Variants in MYO5B observed in about 807,000 individuals in gnomAD.
The protein encoded by MYO5B is unconventional myosin-Vb.
Under a neutral mutation model 229.3 loss-of-function variants are expected in MYO5B, and 143 were observed. The ratio of observed to expected loss-of-function variants is 0.62; its 90% CI spans 0.54 to 0.72. The LOEUF (loss-of-function observed/expected upper bound fraction) is 0.72. Ranked by LOEUF, MYO5B falls within the 30% of genes least tolerant of loss-of-function variation. The probability of loss-of-function intolerance (pLI) is 0.00; values close to 1 mark genes in which losing one functional copy is unlikely to be tolerated. For synonymous variants in MYO5B, 918 were observed against 885.2 expected (o/e 1.04, Z -0.66); for missense variants, 2,321 against 2,331.0 (o/e 1.00, Z 0.09).
intron 1 of MYO5B, among the ~76,000 whole-genome samples, chr18:50,151,501 G>A (rs1275588952): frequency 1.3e-5 from 2 of 152,116 alleles, no homozygotes; most frequent in Non-Finnish European, 2.9e-5. Flanking sequence ...ATAGGGGTGG[G>A]CTTTTATGTC....
intron 29 of MYO5B, among the ~76,000 whole-genome samples, chr18:49,859,874 G>A (rs773088415): frequency 2.8e-4 from 42 of 152,242 alleles, no homozygotes; most frequent in Admixed American, 4.6e-4. Flanking sequence ...CAGCAGCCGA[G>A]GCTCAAGGTC....
chr18:50,042,481 A>C (rs2030049644), intron 2 of MYO5B, among the ~76,000 whole-genome samples: 1 of 152,002 alleles, frequency 6.6e-6, no homozygotes, highest in African/African-American at 2.4e-5. Context: ...TTTTGTGAAA[A>C]GCTTTTTTAT....
intron 1 of MYO5B, among the ~76,000 whole-genome samples, chr18:50,077,168 T>TAAAAAAAAAAAAAAAAA (rs71169476): frequency 1.2e-5 from 1 of 81,214 alleles, no homozygotes; most frequent in East Asian, 4.8e-4. Context: ...TGTGGCAAAG[T>TAAAAAAAAAAAAAAAAA]AAAAAAAAAA....
chr18:50,047,562 C>A (rs1179236739), intron 2 of MYO5B, among the ~76,000 whole-genome samples: 2 of 152,164 alleles, frequency 1.3e-5, no homozygotes, highest in Non-Finnish European at 2.9e-5. Context: ...ACTAGAAATA[C>A]CACTTGATAC....
In MYO5B at chr18:49,904,833, G is replaced by A; in HGVS notation, c.2415-5C>T. 6.2e-7 allele frequency: 1 copy of A among 1,613,456 alleles called. No homozygotes were observed. Among genetic ancestry groups the A allele is most frequent in the Non-Finnish European group, 8.5e-7 (1 of 1,180,026 alleles). On this transcript the variant is annotated splice_region_variant and splice_polypyrimidine_tract_variant and intron_variant, in intron 19 of 39. Transcript: ENST00000285039. ...CTCCGCAGGTGCTCAGCCAGCCTGG[G>A]GAGCAAGAGGAAACAGGCAGTGTCA...
chr18:49,939,379 C>A lies in MYO5B; in HGVS notation c.1753-1982G>T, dbSNP rs180972865. Among the ~76,000 whole-genome samples the A allele has an allele frequency of 9.7e-3, 1,478 of 152,126 alleles. 16 individuals are homozygous for A. Among genetic ancestry groups the A allele is most frequent in the Non-Finnish European group, 0.013 (894 of 67,964 alleles). On this transcript the variant is annotated intron_variant, in intron 14 of 39. Coordinates refer to ENST00000285039, the MANE Select transcript of MYO5B (RefSeq NM_001080467.3). Reference sequence around the variant, plus strand: ...CAGGATGGTCTCGATCTCTTGACCTCGTGATCCGCCCGCCTCGGCCTTCCA... The same window carrying A: ...CAGGATGGTCTCGATCTCTTGACCTAGTGATCCGCCCGCCTCGGCCTTCCA...
intron 14 of MYO5B, among the ~76,000 whole-genome samples, chr18:49,941,305 AG>A (rs2025311136): frequency 6.6e-6 from 1 of 152,184 alleles, no homozygotes; most frequent in Non-Finnish European, 1.5e-5. Flanking sequence ...AATGATCTTA[AG>A]GCCATCTCTG....
At chr18:50,177,435 C>A (rs1270888552) in intron 1 of MYO5B, among the ~76,000 whole-genome samples, 1 of 152,184 alleles carries the variant, frequency 6.6e-6, no homozygotes, top group Non-Finnish European at 1.5e-5. Context: ...TTGCCTTCTT[C>A]CTCAAACAGC....
At chr18:50,087,845 T>C (rs2031365036) in intron 1 of MYO5B, among the ~76,000 whole-genome samples, 1 of 151,794 alleles carries the variant, frequency 6.6e-6, no homozygotes, top group Non-Finnish European at 1.5e-5. Flanking sequence ...AAAACCAAGA[T>C]GAGAAAGGCC....
intron 1 of MYO5B, among the ~76,000 whole-genome samples, chr18:50,193,797 G>T (rs1290864635): frequency 6.6e-6 from 1 of 152,254 alleles, no homozygotes; most frequent in East Asian, 1.9e-4. Context: ...AAAGGCCTTT[G>T]CCCCTCTCAC....
intron 37 of MYO5B, 109 bp downstream of exon 37, chr18:49,837,408 A>T: frequency 7.4e-7 from 1 of 1,346,188 alleles, no homozygotes. Context: ...AAGGACTGTC[A>T]ATTAGATTTG....
intron 1 of MYO5B, among the ~76,000 whole-genome samples, chr18:50,138,938 G>A (rs1255550689): frequency 6.6e-6 from 1 of 152,190 alleles, no homozygotes; most frequent in Non-Finnish European, 1.5e-5. Context: ...GCCTGGATCT[G>A]CAACTCTCTC....
chr18:49,893,044 T>G (rs189165571), intron 22 of MYO5B, among the ~76,000 whole-genome samples: 3 of 152,346 alleles, frequency 2.0e-5, no homozygotes, highest in Admixed American at 2.0e-4. Flanking sequence ...TTCTCTGTTT[T>G]GCTCCTCCAA....
chr18:49,952,388 G>A lies in MYO5B; in HGVS notation c.1752+872C>T, dbSNP rs113998634. Among the ~76,000 whole-genome samples the A allele has an allele frequency of 3.9e-3, 554 of 141,474 alleles. 4 individuals carry two copies. Among genetic ancestry groups the A allele is most frequent in the African/African-American group, 0.014 (533 of 37,258 alleles). The allele number at this position is 141,474 out of a possible 152,430, so 92.8% of individuals were successfully genotyped here. On this transcript the variant is annotated intron_variant, in intron 14 of 39. Coordinates refer to ENST00000285039, the MANE Select transcript of MYO5B (RefSeq NM_001080467.3). ...CCTCTGCAGGGCTAAAGCCAGTAAC[G>A]GCATCTGCATCAGAGTCGGCTTTTA... is the stretch of plus-strand genomic sequence containing the variant.
chr18:50,101,530 A>G (rs941737536), intron 1 of MYO5B, among the ~76,000 whole-genome samples: 1 of 152,172 alleles, frequency 6.6e-6, no homozygotes, highest in Non-Finnish European at 1.5e-5. Flanking sequence ...AGAATCTACA[A>G]GAAACTTAAA....
intron 4 of MYO5B, among the ~76,000 whole-genome samples, chr18:50,014,368 T>C (rs72913831): frequency 0.051 from 7,803 of 152,210 alleles, 219 homozygotes; most frequent in South Asian, 0.075. Flanking sequence ...TGGTCTTCTT[T>C]AAAAAGACTT....
intron 1 of MYO5B, among the ~76,000 whole-genome samples, chr18:50,126,799 A>G (rs999281816): frequency 6.6e-6 from 1 of 152,178 alleles, no homozygotes; most frequent in African/African-American, 2.4e-5. Context: ...GTGAAGCCAG[A>G]CTTCCTGGGC....
chr18:50,075,976 C>T (rs2031069057), intron 1 of MYO5B, among the ~76,000 whole-genome samples: 2 of 152,242 alleles, frequency 1.3e-5, no homozygotes, highest in Non-Finnish European at 1.5e-5. Flanking sequence ...TTCAGAAAGT[C>T]TGACTGCAAA....
chr18:50,007,568 G>A (rs1016273589), intron 4 of MYO5B, among the ~76,000 whole-genome samples: 2 of 152,136 alleles, frequency 1.3e-5, no homozygotes, highest in East Asian at 1.9e-4. Flanking sequence ...CAAGGCCCTG[G>A]GGGACCGAGC....
Sources: allele counts gnomAD v4.1 joint callset (sites outside exome capture counted in the v4.1 genomes callset), GRCh38; gene constraint gnomAD v4.1.1; transcripts MANE v1.5; gene names NCBI Gene and HGNC (gene_info 2026-07-23, HGNC 2026-07-21).